SLC25A24: variants seen among roughly 807,000 people sequenced by gnomAD.
SLC25A24 encodes mitochondrial adenyl nucleotide antiporter SLC25A24.
Under a neutral mutation model 60.7 loss-of-function variants are expected in SLC25A24, and 49 were observed. That is an observed-to-expected ratio of 0.81 (90% CI 0.64 to 1.02). The LOEUF (loss-of-function observed/expected upper bound fraction) is 1.02. SLC25A24 is among the 50% of genes least tolerant of loss of function. The pLI is 0.00. For synonymous variants in SLC25A24, 202 were observed against 200.6 expected, an observed-to-expected ratio of 1.01 and a Z score of -0.06; for missense variants, 564 against 586.3, an observed-to-expected ratio of 0.96 and a Z score of 0.39.
At chr1:108,155,169 G>A in intron 5 of SLC25A24, 34 bp from the exon 6 acceptor site, 1 of 1,587,796 alleles carries the variant, frequency 6.3e-7, no homozygotes, top group Non-Finnish European at 8.6e-7. Flanking sequence ...TAAAATGCTG[G>A]TGGCATATTA....
intron 3 of SLC25A24, among the ~76,000 whole-genome samples, chr1:108,174,338 G>A (rs1481119415): frequency 6.6e-6 from 1 of 152,234 alleles, no homozygotes; most frequent in Non-Finnish European, 1.5e-5. Flanking sequence ...GAAGGTGCAA[G>A]CCCCAAGCCC....
chr1:108,189,330 G>A (rs1648260626), intron 1 of SLC25A24, among the ~76,000 whole-genome samples: 1 of 152,098 alleles, frequency 6.6e-6, no homozygotes, highest in Non-Finnish European at 1.5e-5. Context: ...ACTATTAAAT[G>A]GAAAACTCCA....
intron 1 of SLC25A24, chr1:108,199,393 A>C (rs975579813): frequency 6.5e-6 from 1 of 153,442 alleles, no homozygotes; most frequent in Non-Finnish European, 1.5e-5. Flanking sequence ...CTTCAGATCA[A>C]TTTATGTACC....
At chr1:108,194,790 A>C (rs1040544975) in intron 1 of SLC25A24, among the ~76,000 whole-genome samples, 1 of 152,182 alleles carries the variant, frequency 6.6e-6, no homozygotes, top group Non-Finnish European at 1.5e-5. Flanking sequence ...ACTGTTTGAA[A>C]ACATTAAATG....
chr1:108,140,665 G>T (rs1169969328), intron 8 of SLC25A24, among the ~76,000 whole-genome samples: 1 of 152,008 alleles, frequency 6.6e-6, no homozygotes, highest in African/African-American at 2.4e-5. Context: ...TAAAGAAATA[G>T]AGTTTTATAT....
At chr1:108,192,535 C>T in intron 1 of SLC25A24, 2 of 1,499,318 alleles carry the variant, frequency 1.3e-6, no homozygotes, top group African/African-American at 1.4e-5. Flanking sequence ...CTACATCCTC[C>T]AGGCCTTCCT....
intron 4 of SLC25A24, among the ~76,000 whole-genome samples, chr1:108,159,260 T>C (rs1679987633): frequency 1.3e-5 from 2 of 152,168 alleles, no homozygotes; most frequent in African/African-American, 4.8e-5. Context: ...AAACATAATC[T>C]GACCAAACAA....
At chr1:108,181,806 G>C in intron 3 of SLC25A24, 135 bp downstream of exon 3, 3 of 677,624 alleles carry the variant, frequency 4.4e-6, no homozygotes, top group Non-Finnish European at 7.9e-6. Context: ...ATGAATGGGA[G>C]GAAAAAAGAC....
chr1:108,200,281 G>T lies in SLC25A24; in HGVS notation c.-143C>A. Reference sequence around the variant, plus strand: ...GGGCGCCGTCGGGGTTGCGGCTGCGGCGCGCAGGGCGCAGGGCGCAGGAGC... The same window carrying T: ...GGGCGCCGTCGGGGTTGCGGCTGCGTCGCGCAGGGCGCAGGGCGCAGGAGC... On this transcript the variant is annotated 5_prime_UTR_variant, in exon 1 of 10. Coordinates refer to ENST00000565488, the MANE Select transcript of SLC25A24 (RefSeq NM_013386.5). 1.4e-6 allele frequency: 1 copy of T among 705,202 alleles called. No individual in the cohort carries two copies. The highest frequency in any genetic ancestry group is 2.0e-6 in the Non-Finnish European group (1 of 504,550). The allele number at this position is 705,202 out of a possible 1,614,324, so 43.7% of individuals were successfully genotyped here. A position where few individuals can be genotyped will look rare whatever the true frequency, so the allele number is the denominator to read the frequency against.
chr1:108,154,060 T>C (rs935764992), intron 6 of SLC25A24, among the ~76,000 whole-genome samples: 3 of 140,106 alleles, frequency 2.1e-5, no homozygotes, highest in African/African-American at 8.2e-5. Context: ...TCCTGGAGAC[T>C]AGATTTTCTT....
chr1:108,154,379 A>C (rs1679832501), intron 6 of SLC25A24, among the ~76,000 whole-genome samples: 3 of 152,202 alleles, frequency 2.0e-5, no homozygotes, highest in Admixed American at 2.0e-4. Context: ...TCCCCTTTAC[A>C]TTGAGTTAGG....
chr1:108,163,719 C>T (rs1680160868), intron 3 of SLC25A24, among the ~76,000 whole-genome samples: 1 of 151,390 alleles, frequency 6.6e-6, no homozygotes, highest in East Asian at 2.0e-4. Flanking sequence ...TCTATATATA[C>T]AATCATGTCG....
Position 108,155,107 on chromosome 1 carries a change from T to C in SLC25A24, c.698A>G (p.Asn233Ser). 6.2e-7 allele frequency: 1 copy of C among 1,611,638 alleles called. No individual in the cohort carries two copies. The highest frequency in any genetic ancestry group is 8.5e-7 in the Non-Finnish European group (1 of 1,178,876). ...QVHGSKSDKM[N>S]IFGGFRQMVK... ...CATCTGTCGAAAGCCACCAAATATG[T>C]TCATTTTGTCTGATTTTGAACCGTG... Residue 233 changes from asparagine to serine, a missense_variant, in exon 6 of 10, where the codon AAC (asparagine) becomes AGC (serine). Asn to Ser is a conservative substitution (Grantham distance 46). Transcript: ENST00000565488.
chr1:108,199,659 T>G (rs1442014505), intron 1 of SLC25A24: 1 of 506,036 alleles, frequency 2.0e-6, no homozygotes, highest in African/African-American at 2.0e-5. Context: ...GAACCTGGGA[T>G]GGATTCAGGA....
At chr1:108,146,876 C>T (rs1679607617) in intron 7 of SLC25A24, among the ~76,000 whole-genome samples, 1 of 152,124 alleles carries the variant, frequency 6.6e-6, no homozygotes, top group Admixed American at 6.5e-5. Flanking sequence ...CTGAAATTTT[C>T]TATTTTGGTT....
Position 108,187,927 on chromosome 1 carries a change from G to GATAGATAGATATATATATAT in SLC25A24, c.184-1974_184-1973insATATATATATATCTATCTAT. On this transcript the variant is annotated intron_variant, in intron 1 of 9. Transcript: ENST00000565488. ...TACACGAAATGGATAAGACATTATA[G>GATAGATAGATATATATATAT]ATATATATATATATATATTCATGCA... is the stretch of plus-strand genomic sequence containing the variant. Among the ~76,000 whole-genome samples the GATAGATAGATATATATATAT allele has an allele frequency of 4.1e-4, 39 of 95,752 alleles. 1 individual carries two copies. Among genetic ancestry groups the GATAGATAGATATATATATAT allele is most frequent in the Admixed American group, 1.2e-3 (11 of 9,308 alleles). The allele number at this position is 95,752 out of a possible 152,430, so 62.8% of individuals were successfully genotyped here.
chr1:108,144,959 C>T (rs1204844981), intron 7 of SLC25A24, among the ~76,000 whole-genome samples: 4 of 152,064 alleles, frequency 2.6e-5, no homozygotes, highest in Admixed American at 1.3e-4. Flanking sequence ...AATGGGATTG[C>T]TGGGTCAAAC....
intron 1 of SLC25A24, chr1:108,198,528 A>G (rs1254421944): frequency 5.3e-5 from 8 of 152,238 alleles, no homozygotes; most frequent in African/African-American, 1.7e-4. Flanking sequence ...TAAACTATCA[A>G]TAAAGTAAAA....
chr1:108,146,112 C>T (rs921357792), intron 7 of SLC25A24, among the ~76,000 whole-genome samples: 3 of 152,090 alleles, frequency 2.0e-5, no homozygotes, highest in Non-Finnish European at 2.9e-5. Context: ...TGTAGTTCTC[C>T]TTGAACAGGT....
Sources: allele counts gnomAD v4.1 joint callset (sites outside exome capture counted in the v4.1 genomes callset), GRCh38; gene constraint gnomAD v4.1.1; transcripts MANE v1.5; gene names NCBI Gene and HGNC (gene_info 2026-07-23, HGNC 2026-07-21).